Variants in ASPRV1 observed in about 807,000 individuals in gnomAD.
ASPRV1 encodes retroviral-like aspartic protease 1.
A neutral mutation model predicts 11.0 loss-of-function variants in ASPRV1; 7 were observed. The ratio of observed to expected loss-of-function variants is 0.64; its 90% CI spans 0.36 to 1.20. ASPRV1 has a LOEUF of 1.20. Ranked by LOEUF, ASPRV1 falls within the 50% of genes most tolerant of loss-of-function variation. The pLI, the probability that ASPRV1 is intolerant of heterozygous loss-of-function variation, is 0.02. For synonymous variants in ASPRV1, 136 were observed against 138.4 expected, an observed-to-expected ratio of 0.98 and a Z score of 0.12; for missense variants, 299 against 320.0, an observed-to-expected ratio of 0.93 and a Z score of 0.50.
chr2:70,075,322 GA>G, the ASPRV1 span: 1 of 116,260 alleles, frequency 8.6e-6, no homozygotes, highest in Non-Finnish European at 1.6e-5. Flanking sequence ...GTGTTAGCCA[GA>G]ATGGTCAGAG....
the ASPRV1 span, among the ~76,000 whole-genome samples, chr2:70,043,942 TTC>T: frequency 6.6e-6 from 1 of 152,136 alleles, no homozygotes; most frequent in Non-Finnish European, 1.5e-5. Flanking sequence ...TGCTTGTCTT[TTC>T]TCAGACAAAA....
At chr2:70,086,572 G>A in the ASPRV1 span, 1 of 152,296 alleles carries the variant, frequency 6.6e-6, no homozygotes, top group Admixed American at 6.5e-5. Flanking sequence ...AGCAGCCGCG[G>A]GAGCCCAGGC....
At chr2:70,063,453 C>T in the ASPRV1 span, among the ~76,000 whole-genome samples, 2 of 152,180 alleles carry the variant, frequency 1.3e-5, no homozygotes, top group African/African-American at 4.8e-5. Context: ...GAGTCCTGAA[C>T]TCCTAAGGCT....
upstream of ASPRV1, chr2:69,961,820 A>C: frequency 9.8e-7 from 1 of 1,021,880 alleles, no homozygotes; most frequent in Non-Finnish European, 1.5e-6. Flanking sequence ...CATCCCAAGA[A>C]AGGCCAGCCT....
At chr2:70,086,047 G>C in the ASPRV1 span, 2 of 152,088 alleles carry the variant, frequency 1.3e-5, no homozygotes, top group Non-Finnish European at 2.9e-5. Context: ...ATTAAATATT[G>C]TGCCCACATT....
chr2:70,058,763 G>A, the ASPRV1 span, among the ~76,000 whole-genome samples: 1 of 151,052 alleles, frequency 6.6e-6, no homozygotes, highest in Non-Finnish European at 1.5e-5. Flanking sequence ...ATGTTGGCCA[G>A]GCTGGTCTTG....
chr2:69,992,250 G>A, the ASPRV1 span, among the ~76,000 whole-genome samples: 2 of 152,064 alleles, frequency 1.3e-5, no homozygotes, highest in Admixed American at 6.5e-5. Context: ...CGGCGTCTTC[G>A]CCTAGCCGAG....
At chr2:70,039,282 G>T in the ASPRV1 span, among the ~76,000 whole-genome samples, 1 of 152,052 alleles carries the variant, frequency 6.6e-6, no homozygotes, top group Non-Finnish European at 1.5e-5. Flanking sequence ...GCTTTAGCTG[G>T]GAGTTCTACA....
At chr2:69,987,463 C>A in the ASPRV1 span, among the ~76,000 whole-genome samples, 1 of 151,302 alleles carries the variant, frequency 6.6e-6, no homozygotes, top group South Asian at 2.1e-4. Context: ...AAAAAAAAAT[C>A]AGTTCGGGGT....
At chr2:69,958,592 C>CCCT (rs1034043480), downstream of ASPRV1, among the ~76,000 whole-genome samples, 5 of 141,890 alleles carry the variant, frequency 3.5e-5, no homozygotes, top group African/African-American at 5.0e-5. Flanking sequence ...AGACTCTTTA[C>CCCT]CCTCCCTCCT....
the ASPRV1 span, chr2:70,055,848 C>T: frequency 3.3e-5 from 5 of 151,976 alleles, no homozygotes; most frequent in East Asian, 1.9e-4. Flanking sequence ...GAGGCCAAGA[C>T]GGGAGGATCG....
chr2:70,058,024 C>T, the ASPRV1 span, among the ~76,000 whole-genome samples: 37 of 151,914 alleles, frequency 2.4e-4, no homozygotes, highest in East Asian at 7.0e-3. Context: ...TGATCGTGAT[C>T]TGCCCACCTC....
chr2:69,991,205 G>A, the ASPRV1 span, among the ~76,000 whole-genome samples: 39 of 152,198 alleles, frequency 2.6e-4, no homozygotes, highest in East Asian at 3.9e-4. Flanking sequence ...CCCCACACAC[G>A]GGCAGTTGGC....
At chr2:70,068,343 G>A in the ASPRV1 span, among the ~76,000 whole-genome samples, 2 of 152,224 alleles carry the variant, frequency 1.3e-5, no homozygotes, top group African/African-American at 2.4e-5. Flanking sequence ...GGGTGAAGTG[G>A]TAAGGAGTGG....
At chr2:70,085,159 TG>T in the ASPRV1 span, among the ~76,000 whole-genome samples, 1 of 151,880 alleles carries the variant, frequency 6.6e-6, no homozygotes, top group Admixed American at 6.6e-5. Flanking sequence ...GGTGCTGGGG[TG>T]GGGGAGGCAA....
the ASPRV1 span, among the ~76,000 whole-genome samples, chr2:69,987,003 G>A: frequency 1.3e-5 from 2 of 152,302 alleles, no homozygotes; most frequent in South Asian, 4.1e-4. Context: ...AGAAAGCCCT[G>A]CAGAGGATGT....
chr2:70,013,585 G>A, the ASPRV1 span, among the ~76,000 whole-genome samples: 1 of 152,180 alleles, frequency 6.6e-6, no homozygotes, highest in Admixed American at 6.5e-5. Flanking sequence ...AGAGAAGACA[G>A]CTGTTTTTAT....
At chr2:70,041,455 T>C in the ASPRV1 span, among the ~76,000 whole-genome samples, 5 of 151,978 alleles carry the variant, frequency 3.3e-5, no homozygotes, top group South Asian at 4.1e-4. Flanking sequence ...CATGAGCTTA[T>C]CTCCATTCAA....
the ASPRV1 span, chr2:70,045,502 ATTCCT>A: frequency 6.6e-6 from 1 of 152,228 alleles, no homozygotes; most frequent in Non-Finnish European, 1.5e-5. Flanking sequence ...CCACACAAAT[ATTCCT>A]TTCCTTTCCT....
Sources: allele counts gnomAD v4.1 joint callset (sites outside exome capture counted in the v4.1 genomes callset), GRCh38; gene constraint gnomAD v4.1.1; transcripts MANE v1.5; gene names NCBI Gene and HGNC (gene_info 2026-07-23, HGNC 2026-07-21).